Variants in KCNQ3 observed in about 807,000 individuals in gnomAD.
KCNQ3 encodes potassium voltage-gated channel subfamily Q member 3.
In KCNQ3, 30 loss-of-function variants were observed where a neutral mutation model predicts 92.5. The observed-to-expected ratio is 0.32, with a 90% CI of 0.24 to 0.44. The LOEUF is 0.44. Among genes scored for constraint, KCNQ3 ranks in the 20% least tolerant of loss-of-function variants. The pLI, the probability that KCNQ3 is intolerant of heterozygous loss-of-function variation, is 1.00. For synonymous variants in KCNQ3, 450 were observed against 468.8 expected (o/e 0.96, Z 0.52); for missense variants, 913 against 1,140.3 (o/e 0.80, Z 2.87).
At chr8:132,471,396 C>T (rs1471819823) in intron 1 of KCNQ3, among the ~76,000 whole-genome samples, 7 of 152,136 alleles carry the variant, frequency 4.6e-5, no homozygotes, top group Admixed American at 1.3e-4. Flanking sequence ...CAAGTCAATA[C>T]GGATGGCCTG....
intron 1 of KCNQ3, among the ~76,000 whole-genome samples, chr8:132,387,990 AG>A (rs1819937262): frequency 6.8e-6 from 1 of 148,092 alleles, no homozygotes; most frequent in East Asian, 1.9e-4. Context: ...AGGAAGAGGA[AG>A]AGGAAGAAGA....
intron 1 of KCNQ3, among the ~76,000 whole-genome samples, chr8:132,408,867 C>T (rs1249566076): frequency 6.6e-6 from 1 of 152,198 alleles, no homozygotes; most frequent in Non-Finnish European, 1.5e-5. Flanking sequence ...AGGAACTGAA[C>T]TCTGCCAACA....
chr8:132,297,219 C>T (rs1197261686), intron 1 of KCNQ3, among the ~76,000 whole-genome samples: 1 of 152,102 alleles, frequency 6.6e-6, no homozygotes, highest in African/African-American at 2.4e-5. Flanking sequence ...ATATCCTTCA[C>T]CCACTTTTTG....
intron 1 of KCNQ3, among the ~76,000 whole-genome samples, chr8:132,218,050 C>G (rs1297372235): frequency 1.3e-5 from 2 of 152,118 alleles, no homozygotes; most frequent in African/African-American, 2.4e-5. Flanking sequence ...ATGGAAAAAC[C>G]TTGCAAAATG....
intron 14 of KCNQ3, among the ~76,000 whole-genome samples, chr8:132,131,658 A>T (rs973715335): frequency 2.6e-5 from 4 of 152,196 alleles, no homozygotes; most frequent in Non-Finnish European, 5.9e-5. Context: ...CATACTACAG[A>T]TGAGGAAAAC....
chr8:132,367,797 G>C (rs1480687571), intron 1 of KCNQ3, among the ~76,000 whole-genome samples: 1 of 152,166 alleles, frequency 6.6e-6, no homozygotes, highest in African/African-American at 2.4e-5. Context: ...ATGCTCATGA[G>C]TCACTGTGCC....
In KCNQ3 at chr8:132,294,000, GTTTTTTT is replaced by G. The variant is rs386414036; in HGVS notation, c.387-107826_387-107820del. The stretch of plus-strand genomic sequence containing the variant: ...ACTAAGGGTTTTTTGTGTGTGTGTG[GTTTTTTT>G]TTTTTTTTTTTGAGACGGAGTCTCG... On this transcript the variant is annotated intron_variant, in intron 1 of 14. Coordinates refer to ENST00000388996, the MANE Select transcript of KCNQ3 (RefSeq NM_004519.4). 3.7e-3 allele frequency among the ~76,000 whole-genome samples: 457 copies of G among 124,178 alleles called. 2 individuals are homozygous for G. Among genetic ancestry groups the G allele is most frequent in the Non-Finnish European group, 5.2e-3 (324 of 62,216 alleles). 81.5% of individuals were successfully genotyped at this position (124,178 alleles called of 152,430 possible). A position where few individuals can be genotyped will look rare whatever the true frequency, so the allele number is the denominator to read the frequency against.
At chr8:132,304,097 C>G (rs145794262) in intron 1 of KCNQ3, among the ~76,000 whole-genome samples, 28 of 151,952 alleles carry the variant, frequency 1.8e-4, no homozygotes, top group African/African-American at 6.8e-4. Context: ...GGGAAATAAA[C>G]CTGTACACAT....
chr8:132,456,608 ATTTAT>A (rs1821947142), intron 1 of KCNQ3, among the ~76,000 whole-genome samples: 1 of 150,102 alleles, frequency 6.7e-6, no homozygotes, highest in Non-Finnish European at 1.5e-5. Context: ...TTTTTATTTT[ATTTAT>A]TTATTTTTTT....
Position 132,480,613 on chromosome 8 carries a change from G to A in KCNQ3, c.-81C>T. On this transcript the variant is annotated 5_prime_UTR_variant, in exon 1 of 15. Coordinates refer to ENST00000388996, the MANE Select transcript of KCNQ3 (RefSeq NM_004519.4). ...GGCGCTCGGGGTGCGTGAACGAGGC[G>A]GCGGCGGCGGCTGCAAGCCCGGGAA... 1 of 1,198,638 alleles carries A rather than the reference G, an allele frequency of 8.3e-7. No individual in the cohort carries two copies. The highest frequency in any genetic ancestry group is 7.2e-5 in the East Asian group (1 of 13,812). 74.3% of individuals were successfully genotyped at this position (1,198,638 alleles called of 1,614,324 possible).
At position 132,216,422 on chromosome 8, in the gene KCNQ3, C is replaced by T. The variant is rs950830457; in HGVS notation, c.387-30241G>A. Reference sequence around the variant, plus strand: ...TTCTGGGATAGGAAGGAGTCACCTGCAGGGTTTCACAGTCAGGGGACAGCA... The same window carrying T: ...TTCTGGGATAGGAAGGAGTCACCTGTAGGGTTTCACAGTCAGGGGACAGCA... On this transcript the variant is annotated intron_variant, in intron 1 of 14. Transcript: ENST00000388996. Among the ~76,000 whole-genome samples the T allele has an allele frequency of 1.8e-4, 28 of 152,290 alleles. No individual in the cohort carries two copies. The East Asian group carries it at 4.4e-3, about 24-fold the overall frequency.
chr8:132,214,529 C>A (rs1333220663), intron 1 of KCNQ3, among the ~76,000 whole-genome samples: 1 of 152,188 alleles, frequency 6.6e-6, no homozygotes, highest in African/African-American at 2.4e-5. Context: ...TTTGTTCACC[C>A]TTGACATCCT....
chr8:132,128,441 C>A lies in KCNQ3; in HGVS notation c.*821G>T, dbSNP rs1824739389. ...TGAACTCAGCTCCTGCCCAGAGGGG[C>A]ACTTCACTTCTGATAAATTCCATTG... On this transcript the variant is annotated 3_prime_UTR_variant, in exon 15 of 15. Transcript: ENST00000388996. The A allele has an allele frequency of 6.6e-6, 1 of 152,014 alleles. No individual in the cohort carries two copies. Among genetic ancestry groups the A allele is most frequent in the African/African-American group, 2.4e-5 (1 of 41,368 alleles). 9.4% of individuals were successfully genotyped at this position (152,014 alleles called of 1,614,324 possible).
intron 1 of KCNQ3, among the ~76,000 whole-genome samples, chr8:132,187,954 G>GATGTTGCTGGTGGTAGTGC (rs879553863): frequency 1.3e-5 from 2 of 150,676 alleles, no homozygotes; most frequent in Non-Finnish European, 3.0e-5. Context: ...GGTGGTGGTT[G>GATGTTGCTGGTGGTAGTGC]TGATGATGGT....
rs917455426 is a variant in KCNQ3 at position 132,428,516 on chromosome 8, G to C, written c.386+51631C>G. 1.2e-4 allele frequency among the ~76,000 whole-genome samples: 18 copies of C among 152,096 alleles called. No individual in the cohort carries two copies. The South Asian group carries it at 3.3e-3, about 28-fold the overall frequency. On this transcript the variant is annotated intron_variant, in intron 1 of 14. Transcript: ENST00000388996. ...ATTCTCTCCTTGCCCCCAGAACCCA[G>C]GAGAAAATTCACACACACACACATA...
rs113972756 is a variant in KCNQ3, at chr8:132,428,821, T to C, written c.386+51326A>G. On this transcript the variant is annotated intron_variant, in intron 1 of 14. Coordinates refer to ENST00000388996, the MANE Select transcript of KCNQ3 (RefSeq NM_004519.4). ...ATAAGCAGATATTAAGCATCCATTG[T>C]TTGGGGGAGGTTGACATATGAAAAA... 2.0e-3 allele frequency among the ~76,000 whole-genome samples: 302 copies of C among 152,256 alleles called. 2 individuals are homozygous for C. The highest frequency in any genetic ancestry group is 3.6e-3 in the Non-Finnish European group (248 of 68,008).
chr8:132,140,011 T>C, intron 11 of KCNQ3, 65 bp downstream of exon 11: 1 of 1,119,960 alleles, frequency 8.9e-7, no homozygotes, highest in Middle Eastern at 2.1e-4. Flanking sequence ...ATAAGCCCCT[T>C]CCTGTGGGAG....
intron 4 of KCNQ3, among the ~76,000 whole-genome samples, chr8:132,177,456 C>A (rs1826601163): frequency 6.6e-6 from 1 of 152,116 alleles, no homozygotes; most frequent in Non-Finnish European, 1.5e-5. Flanking sequence ...GGGAGTGAAT[C>A]CCTCCTTGTC....
chr8:132,383,922 T>C (rs1819824750), intron 1 of KCNQ3, among the ~76,000 whole-genome samples: 1 of 152,134 alleles, frequency 6.6e-6, no homozygotes, highest in African/African-American at 2.4e-5. Context: ...AAAATAAGGG[T>C]TAAATGAGTG....
Sources: gnomAD v4.1 joint callset for allele counts (sites outside exome capture counted in the v4.1 genomes callset) on GRCh38, gnomAD v4.1.1 for gene constraint, MANE v1.5 for transcripts, NCBI Gene and HGNC (gene_info 2026-07-23, HGNC 2026-07-21) for gene names.